The following PCDHA4 variants were observed in gnomAD, a reference collection of about 807,000 sequenced individuals.
The protein encoded by PCDHA4 is protocadherin alpha 4, also known as protocadherin alpha-4.
PCDHA4 carries 49 observed loss-of-function variants against 61.4 expected under a neutral mutation model. The observed-to-expected ratio is 0.80, with a 90% CI of 0.63 to 1.01. PCDHA4 has a LOEUF of 1.01. Ranked by LOEUF, PCDHA4 falls within the 50% of genes least tolerant of loss-of-function variation. The pLI is 0.00. For missense variants in PCDHA4, 1,254 were observed against 1,235.8 expected (o/e 1.01, Z -0.22); for synonymous variants, 590 against 550.3 (o/e 1.07, Z -1.01).
intron 1 of PCDHA4, among the ~76,000 whole-genome samples, chr5:140,873,732 C>T (rs1309470062): frequency 6.6e-6 from 1 of 152,166 alleles, no homozygotes; most frequent in African/African-American, 2.4e-5. Context: ...GCAATCTCAG[C>T]TCACTGCAAT....
chr5:140,850,675 C>A (rs2150493362), intron 1 of PCDHA4: 3 of 1,598,470 alleles, frequency 1.9e-6, no homozygotes, highest in Non-Finnish European at 2.6e-6. Context: ...TCGGCGATGC[C>A]CACCGAGGGC....
chr5:140,956,189 A>C (rs2095264873), intron 1 of PCDHA4, among the ~76,000 whole-genome samples: 1 of 152,142 alleles, frequency 6.6e-6, no homozygotes, highest in South Asian at 2.1e-4. Context: ...ACTATGCTGA[A>C]TAGGAGTGGT....
chr5:141,004,346 G>C (rs2098162740), intron 3 of PCDHA4, among the ~76,000 whole-genome samples: 1 of 152,212 alleles, frequency 6.6e-6, no homozygotes, highest in Non-Finnish European at 1.5e-5. Context: ...GTCTGTGAGG[G>C]ACTGGAGAGA....
intron 1 of PCDHA4, among the ~76,000 whole-genome samples, chr5:140,940,208 A>T (rs1193106137): frequency 6.6e-6 from 1 of 152,164 alleles, no homozygotes; most frequent in Non-Finnish European, 1.5e-5. Flanking sequence ...AAAATTCAAG[A>T]TTGGCATTTA....
At chr5:140,968,460 C>T (rs1554230749) in intron 1 of PCDHA4, 3 of 1,613,978 alleles carry the variant, frequency 1.9e-6, no homozygotes, top group Non-Finnish European at 2.5e-6. Context: ...ACTGTGACTG[C>T]CAACGTATAT....
chr5:140,883,950 A>G (rs373518493), intron 1 of PCDHA4: 3 of 1,613,288 alleles, frequency 1.9e-6, no homozygotes, highest in South Asian at 1.1e-5. Flanking sequence ...GAGAACGACA[A>G]CGCTCCGGCG....
At chr5:140,834,962 A>G (rs1773396463) in intron 1 of PCDHA4, 1 of 1,519,622 alleles carries the variant, frequency 6.6e-7, no homozygotes, top group East Asian at 2.4e-5. Context: ...AACCTCTTGG[A>G]CTTGTATTAC....
Position 140,922,465 on chromosome 5 carries a change from T to C in PCDHA4, c.2386-56484T>C, listed in dbSNP as rs116670359. ...CATTATCCTATTTGTCAACACAAAA[T>C]AGGAGAGAAGGCAGGACTAAATCTG... On this transcript the variant is annotated intron_variant, in intron 1 of 3. Transcript: ENST00000530339. Among the ~76,000 whole-genome samples the C allele has an allele frequency of 8.9e-3, 1,361 of 152,304 alleles. 16 individuals carry two copies. Among genetic ancestry groups the C allele is most frequent in the African/African-American group, 0.031 (1,303 of 41,562 alleles).
At chr5:140,855,829 C>T in intron 1 of PCDHA4, 1 of 560,296 alleles carries the variant, frequency 1.8e-6, no homozygotes. Flanking sequence ...CTCATGGAAT[C>T]GTACTTACAC....
At chr5:140,858,018 C>T in intron 1 of PCDHA4, 1 of 1,596,908 alleles carries the variant, frequency 6.3e-7, no homozygotes, top group Non-Finnish European at 8.6e-7. Context: ...GGCGAGCCGT[C>T]GCTGACGGCC....
rs371960819 is a variant in PCDHA4, at chr5:140,928,197, T to C, written c.2386-50752T>C. The C allele has an allele frequency of 1.9e-5, 30 of 1,614,192 alleles. 1 individual carries two copies. In the African/African-American group the frequency reaches 2.0e-4, roughly 11 times the overall value. On this transcript the variant is annotated intron_variant, in intron 1 of 3. Coordinates refer to ENST00000530339, the MANE Select transcript of PCDHA4 (RefSeq NM_018907.4). Reference sequence around the variant, plus strand: ...CCCGAAGGACAATCACTGTGTCAGTTGCTGATGTGAATGACAATACACCAA... The same window carrying C: ...CCCGAAGGACAATCACTGTGTCAGTCGCTGATGTGAATGACAATACACCAA...
In PCDHA4 at chr5:140,872,848, A is replaced by G. The variant is rs531539520; in HGVS notation, c.2385+63276A>G. ...AGCAGAGAAAAAATTAAATATATTA[A>G]TGTGAGTACCTACTGACAATTATCA... On this transcript the variant is annotated intron_variant, in intron 1 of 3. Transcript: ENST00000530339. Among the ~76,000 whole-genome samples the G allele has an allele frequency of 3.3e-5, 5 of 152,332 alleles. No individual in the cohort carries two copies. The South Asian group carries it at 1.0e-3, about 32-fold the overall frequency.
intron 1 of PCDHA4, chr5:140,928,814 A>T (rs782622875): frequency 5.6e-6 from 9 of 1,614,150 alleles, no homozygotes; most frequent in Non-Finnish European, 7.6e-6. Context: ...GTTCGGGACC[A>T]TGGAGACCCA....
intron 1 of PCDHA4, among the ~76,000 whole-genome samples, chr5:140,949,698 T>G (rs188313112): frequency 6.6e-6 from 1 of 151,984 alleles, no homozygotes; most frequent in African/African-American, 2.4e-5. Flanking sequence ...TTGTTGGATC[T>G]TGCTGTTTTA....
At chr5:140,881,277 A>G (rs1370714709) in intron 1 of PCDHA4, 5 of 731,680 alleles carry the variant, frequency 6.8e-6, no homozygotes, top group Non-Finnish European at 8.4e-6. Flanking sequence ...ATGAAGTAAG[A>G]TGGAGAGAGA....
intron 3 of PCDHA4, among the ~76,000 whole-genome samples, chr5:140,988,499 C>CTT (rs2097300398): frequency 6.6e-6 from 1 of 152,138 alleles, no homozygotes; most frequent in Non-Finnish European, 1.5e-5. Context: ...CTAGGAGAAG[C>CTT]CATGAAGCTT....
At chr5:140,943,688 G>A (rs2093547294) in intron 1 of PCDHA4, among the ~76,000 whole-genome samples, 1 of 152,170 alleles carries the variant, frequency 6.6e-6, no homozygotes. Context: ...AAGGGATAAG[G>A]TCAAAATATT....
In PCDHA4 at chr5:140,833,167, C is replaced by T. The variant is rs2150206724; in HGVS notation, c.2385+23595C>T. 5.9e-5 allele frequency among the ~76,000 whole-genome samples: 9 copies of T among 152,184 alleles called. 1 individual carries two copies. The East Asian group carries it at 9.6e-4, about 16-fold the overall frequency. Reference sequence around the variant, plus strand: ...AAGCAATACGAATAAAAAGTATTAACGGAAGATGACTGCAAGGATTAAATG... The same window carrying T: ...AAGCAATACGAATAAAAAGTATTAATGGAAGATGACTGCAAGGATTAAATG... On this transcript the variant is annotated intron_variant, in intron 1 of 3. Transcript: ENST00000530339.
chr5:140,942,680 A>C (rs2093354394), intron 1 of PCDHA4, among the ~76,000 whole-genome samples: 1 of 152,218 alleles, frequency 6.6e-6, no homozygotes, highest in African/African-American at 2.4e-5. Context: ...AAGTTTTAGG[A>C]ATAACTTTAA....
Sources: gnomAD v4.1 joint callset for allele counts (sites outside exome capture counted in the v4.1 genomes callset) on GRCh38, gnomAD v4.1.1 for gene constraint, MANE v1.5 for transcripts, NCBI Gene and HGNC (gene_info 2026-07-23, HGNC 2026-07-21) for gene names.